ZNF296: variants seen among roughly 807,000 people sequenced by gnomAD.
The protein encoded by ZNF296 is zinc finger protein 296.
A neutral mutation model predicts 13.2 loss-of-function variants in ZNF296; 1 was observed. The ratio of observed to expected loss-of-function variants is 0.08; its 90% confidence interval spans 0.03 to 0.36. The LOEUF (loss-of-function observed/expected upper bound fraction) is 0.36, where lower values mean the gene tolerates loss of function less well. Among genes scored for constraint, ZNF296 ranks in the 10% least tolerant of loss-of-function variants. The probability of loss-of-function intolerance (pLI) is 0.99; values close to 1 mark genes in which losing one functional copy is unlikely to be tolerated. For synonymous variants in ZNF296, 303 were observed against 289.0 expected (o/e 1.05, Z -0.49); for missense variants, 555 against 688.2 (o/e 0.81, Z 2.16).
chr19:45,072,632 CCTT>C (rs763003981), intron 2 of ZNF296, 52 bp from the exon 3 acceptor site: 36 of 1,532,432 alleles, frequency 2.3e-5, no homozygotes, highest in East Asian at 1.1e-4. Context: ...CAGCTGGACA[CCTT>C]CTGTGGGATA....
intron 2 of ZNF296, among the ~76,000 whole-genome samples, chr19:45,075,328 C>G (rs1184574611): frequency 6.6e-6 from 1 of 152,238 alleles, no homozygotes; most frequent in Non-Finnish European, 1.5e-5. Flanking sequence ...TCCCCCTCCC[C>G]CCGGCCGCTG....
chr19:45,076,119 C>T lies in ZNF296; in HGVS notation c.255G>A (p.Arg85=), dbSNP rs773406390. Residue 85 remains arginine (R), a synonymous_variant, in exon 1 of 3, where the codon CGG becomes CGA. Transcript: ENST00000303809. This position sits in a 1 kb window ranked among gnomAD's most constrained non-coding sequence, Gnocchi z 4.9. ...AGAALLALGP[R]NPWTLWTPLT... is the part of the protein sequence containing the mutation. ...ACGGCGTCCACAGGGTCCACGGGTTCCGCGGGCCGAGGGCGAGGAGGGCGG... is the reference window on the plus strand; with the variant it reads ...ACGGCGTCCACAGGGTCCACGGGTTTCGCGGGCCGAGGGCGAGGAGGGCGG... 6.4e-7 allele frequency: 1 copy of T among 1,569,686 alleles called. No homozygotes were observed. Among genetic ancestry groups the T allele is most frequent in the South Asian group, 1.2e-5 (1 of 85,710 alleles).
rs747879839 is a variant in ZNF296 at position 45,076,278 on chromosome 19, G to T, written c.96C>A (p.Ile32=). ...DDEMEMQDLV[I]ELKPEPDAQP... is the part of the protein sequence containing the mutation. ...GCGCGTCTGGCTCGGGCTTGAGTTC[G>T]ATGACGAGGTCCTGCATTTCCATCT... The change falls in exon 1 of 3, where the codon ATC becomes ATA. Residue 32 remains isoleucine, a synonymous_variant. Transcript: ENST00000303809. The surrounding 1 kb of genome is among the most constrained non-coding windows in gnomAD (Gnocchi z 4.9). 3 of 1,484,566 alleles carry T rather than the reference G, an allele frequency of 2.0e-6. No homozygotes were observed. The highest frequency in any genetic ancestry group is 2.7e-6 in the Non-Finnish European group (3 of 1,119,272). 92.0% of individuals were successfully genotyped at this position (1,484,566 alleles called of 1,614,324 possible).
chr19:45,073,216 T>A (rs997109415), intron 2 of ZNF296, among the ~76,000 whole-genome samples: 2 of 151,564 alleles, frequency 1.3e-5, no homozygotes, highest in African/African-American at 4.9e-5. Context: ...TTCCCCAGGG[T>A]TGCACAGCTT....
intron 2 of ZNF296, 142 bp downstream of exon 2, chr19:45,075,571 C>T: frequency 1.3e-6 from 1 of 753,124 alleles, no homozygotes; most frequent in Non-Finnish European, 1.9e-6. Context: ...GACGGGCAGG[C>T]CCTGGCCACG....
Position 45,076,435 on chromosome 19 carries a change from A to AGGCGGG in ZNF296, c.-63_-62insCCCGCC. On this transcript the variant is annotated 5_prime_UTR_variant, in exon 1 of 3. Coordinates refer to ENST00000303809, the MANE Select transcript of ZNF296 (RefSeq NM_145288.3). This position sits in a 1 kb window ranked among gnomAD's most constrained non-coding sequence, Gnocchi z 4.9. ...AGGCAGGCGGGCGGGCGGAGGACGC[A>AGGCGGG]CGAGCGGAGGACGCGCGGACCGTGC... is the stretch of plus-strand genomic sequence containing the variant. 1 of 1,169,218 alleles carries AGGCGGG rather than the reference A, an allele frequency of 8.6e-7. No homozygotes were observed. The highest frequency in any genetic ancestry group is 1.1e-6 in the Non-Finnish European group (1 of 934,476). 72.4% of individuals were successfully genotyped at this position (1,169,218 alleles called of 1,614,324 possible). A position where few individuals can be genotyped will look rare whatever the true frequency, so the allele number is the denominator to read the frequency against.
At chr19:45,075,674 C>A in intron 2 of ZNF296, 39 bp downstream of exon 2, 1 of 1,605,400 alleles carries the variant, frequency 6.2e-7, no homozygotes, top group Non-Finnish European at 8.5e-7. Flanking sequence ...AAGCCCAGCC[C>A]TCGAACTTGA....
intron 2 of ZNF296, among the ~76,000 whole-genome samples, 176 bp from the exon 3 acceptor site, chr19:45,072,756 G>C (rs922730320): frequency 6.6e-5 from 10 of 152,320 alleles, no homozygotes; most frequent in Non-Finnish European, 1.0e-4. Flanking sequence ...TGTGGAGTGG[G>C]TGCTAAGTAC....
At chr19:45,075,954 G>A in intron 1 of ZNF296, 92 bp from the exon 2 acceptor site, 1 of 1,590,052 alleles carries the variant, frequency 6.3e-7, no homozygotes, top group Non-Finnish European at 8.6e-7. Flanking sequence ...GTCAGAAGGG[G>A]GCCTGAGGGG....
Position 45,072,528 on chromosome 19 carries a change from T to C in ZNF296, c.501A>G (p.Thr167=), listed in dbSNP as rs375562704. The C allele has an allele frequency of 6.2e-7, 1 of 1,613,502 alleles. No homozygotes were observed. The highest frequency in any genetic ancestry group is 8.5e-7 in the Non-Finnish European group (1 of 1,179,844). Reference sequence around the variant, plus strand: ...CGTGACGCAGCAGCTTCCAGGCCACTGTGAACTGTTTGCCACAGCGCAGGC... The same window carrying C: ...CGTGACGCAGCAGCTTCCAGGCCACCGTGAACTGTTTGCCACAGCGCAGGC... The part of the protein sequence containing the change: ...LSCLRCGKQF[T]VAWKLLRHAQ... The change falls in exon 3 of 3, where the codon ACA becomes ACG. Residue 167 remains threonine, a synonymous_variant. Transcript: ENST00000303809.
rs149259298 is a variant in ZNF296, at chr19:45,076,238, G to A, written c.136C>T (p.Pro46Ser). 1.2e-4 allele frequency: 185 copies of A among 1,504,216 alleles called. No homozygotes were observed. The highest frequency in any genetic ancestry group is 1.6e-4 in the Non-Finnish European group (179 of 1,131,508). 93.2% of individuals were successfully genotyped at this position (1,504,216 alleles called of 1,614,324 possible). The change falls in exon 1 of 3, where the codon CCA becomes TCA. Residue 46 changes from proline to serine, a missense_variant. Physicochemically the swap from Pro to Ser is moderately conservative, Grantham distance 74. Transcript: ENST00000303809. The surrounding 1 kb of genome is among the most constrained non-coding windows in gnomAD (Gnocchi z 4.9). ...PEPDAQPQQA[P>S]RLGPFSPKEV... ...TTCGGGGAGAAGGGCCCCAGCCTTGGGGCCTGTTGGGGCTGCGCGTCTGGC... is the reference window on the plus strand; with the variant it reads ...TTCGGGGAGAAGGGCCCCAGCCTTGAGGCCTGTTGGGGCTGCGCGTCTGGC...
Position 45,076,456 on chromosome 19 carries a change from C to T in ZNF296, c.-83G>A, listed in dbSNP as rs1967356862. ...ACGCACGAGCGGAGGACGCGCGGAC[C>T]GTGCGCGCTCAGGTGAGTGACTGCG... On this transcript the variant is annotated 5_prime_UTR_variant, in exon 1 of 3. Coordinates refer to ENST00000303809, the MANE Select transcript of ZNF296 (RefSeq NM_145288.3). This position sits in a 1 kb window ranked among gnomAD's most constrained non-coding sequence, Gnocchi z 4.9. 3 of 1,060,510 alleles carry T rather than the reference C, an allele frequency of 2.8e-6. No individual in the cohort carries two copies. The highest frequency in any genetic ancestry group is 2.4e-6 in the Non-Finnish European group (2 of 838,186). The allele number at this position is 1,060,510 out of a possible 1,614,324, so 65.7% of individuals were successfully genotyped here.
intron 2 of ZNF296, among the ~76,000 whole-genome samples, chr19:45,074,792 G>A (rs1448150252): frequency 6.6e-6 from 1 of 152,170 alleles, no homozygotes; most frequent in Non-Finnish European, 1.5e-5. Context: ...TCAAACAGCA[G>A]AGCCTGTGAA....
chr19:45,072,939 TG>T (rs1307261524), intron 2 of ZNF296, among the ~76,000 whole-genome samples: 2 of 152,036 alleles, frequency 1.3e-5, no homozygotes, highest in Non-Finnish European at 2.9e-5. Flanking sequence ...TTAGTAGAGA[TG>T]GGGGTTTCAC....
intron 2 of ZNF296, among the ~76,000 whole-genome samples, chr19:45,073,810 G>A (rs935862946): frequency 9.2e-5 from 14 of 151,512 alleles, no homozygotes; most frequent in Non-Finnish European, 1.9e-4. Flanking sequence ...GATCTCTTGA[G>A]GTCAGGGATT....
intron 2 of ZNF296, among the ~76,000 whole-genome samples, chr19:45,074,663 A>G (rs978174733): frequency 1.3e-5 from 2 of 152,176 alleles, no homozygotes; most frequent in African/African-American, 4.8e-5. Context: ...CTTGGGCAAG[A>G]CATAGTCCTC....
chr19:45,075,587 G>A (rs1967330720), intron 2 of ZNF296, 126 bp downstream of exon 2: 3 of 1,053,040 alleles, frequency 2.8e-6, no homozygotes, highest in African/African-American at 1.7e-5. Context: ...CCACGCCTAG[G>A]CTGCACCCGA....
At position 45,071,651 on chromosome 19, in the gene ZNF296, G is replaced by T. The variant is rs775142978; in HGVS notation, c.1378C>A (p.Leu460Met). 3.2e-6 allele frequency: 5 copies of T among 1,548,662 alleles called. No homozygotes were observed. The highest frequency in any genetic ancestry group is 4.3e-6 in the Non-Finnish European group (5 of 1,149,720). ...TGCTTCTGCCGCAGGTGTTTGTCCA[G>T]GGTGGCTCGCAGGCCGAAGGGCACA... ...CHVPFGLRAT[L>M]DKHLRQKHPE... is the part of the protein sequence containing the mutation. The change falls in exon 3 of 3, where the codon CTG (leucine) becomes ATG (methionine). Residue 460 changes from leucine to methionine, a missense_variant. Physicochemically the swap from Leu to Met is conservative, Grantham distance 15. Transcript: ENST00000303809.
Position 45,076,278 on chromosome 19 carries a change from G to A in ZNF296, c.96C>T (p.Ile32=). The A allele has an allele frequency of 1.3e-6, 2 of 1,484,566 alleles. No individual in the cohort carries two copies. The highest frequency in any genetic ancestry group is 1.4e-5 in the South Asian group (1 of 73,484). The allele number at this position is 1,484,566 out of a possible 1,614,324, so 92.0% of individuals were successfully genotyped here. The change falls in exon 1 of 3, where the codon ATC becomes ATT. Residue 32 remains isoleucine (I), a synonymous_variant. Transcript: ENST00000303809. This position sits in a 1 kb window ranked among gnomAD's most constrained non-coding sequence, Gnocchi z 4.9. ...DDEMEMQDLV[I]ELKPEPDAQP... ...GCGCGTCTGGCTCGGGCTTGAGTTC[G>A]ATGACGAGGTCCTGCATTTCCATCT... is the stretch of plus-strand genomic sequence containing the variant.
Sources: allele counts gnomAD v4.1 joint callset (sites outside exome capture counted in the v4.1 genomes callset), GRCh38; gene constraint gnomAD v4.1.1; non-coding constraint Gnocchi (gnomAD v3.1); transcripts MANE v1.5; gene names NCBI Gene and HGNC (gene_info 2026-07-23, HGNC 2026-07-21).